The following INTS15 variants were observed in gnomAD, a reference collection of about 807,000 sequenced individuals.
INTS15 encodes the protein uncharacterized protein C7orf26.
chr7:6,607,832 C>T, the INTS15 span: 1 of 1,511,470 alleles, frequency 6.6e-7, no homozygotes, highest in Non-Finnish European at 8.8e-7. This position sits in a 1 kb window ranked among gnomAD's most constrained non-coding sequence, Gnocchi z 6.0. Flanking sequence ...CGCCTGGACC[C>T]CCGGGTGGTC....
At chr7:6,592,029 G>C in the INTS15 span, among the ~76,000 whole-genome samples, 1 of 151,856 alleles carries the variant, frequency 6.6e-6, no homozygotes, top group African/African-American at 2.4e-5. Flanking sequence ...AAATTAGCCG[G>C]GCATGGTGTT....
the INTS15 span, among the ~76,000 whole-genome samples, chr7:6,600,953 T>C: frequency 1.3e-5 from 2 of 152,014 alleles, no homozygotes; most frequent in Admixed American, 1.3e-4. Flanking sequence ...TGTGTCCTTT[T>C]TTATTTTTAT....
At chr7:6,596,965 A>G in the INTS15 span, among the ~76,000 whole-genome samples, 1 of 151,842 alleles carries the variant, frequency 6.6e-6, no homozygotes, top group African/African-American at 2.4e-5. Context: ...TTTTTAGTAG[A>G]GATGGGGTTT....
At chr7:6,600,426 C>G in the INTS15 span, 1 of 1,433,436 alleles carries the variant, frequency 7.0e-7, no homozygotes, top group Non-Finnish European at 9.3e-7. Flanking sequence ...AGGAGGGGCT[C>G]CTGGACAGAC....
At chr7:6,594,631 G>C in the INTS15 span, 1 of 1,605,702 alleles carries the variant, frequency 6.2e-7, no homozygotes, top group Non-Finnish European at 8.5e-7. Flanking sequence ...TTCTATGGAA[G>C]AAGCTTCAGT....
At chr7:6,603,780 A>G in the INTS15 span, among the ~76,000 whole-genome samples, 1 of 152,192 alleles carries the variant, frequency 6.6e-6, no homozygotes, top group Non-Finnish European at 1.5e-5. Flanking sequence ...CAGAAGTTGT[A>G]GTGAGCCAAG....
chr7:6,592,011 A>G, the INTS15 span: 1 of 657,472 alleles, frequency 1.5e-6, no homozygotes, highest in Non-Finnish European at 2.6e-6. Flanking sequence ...GTCTCTACTA[A>G]AAATACAAAA....
the INTS15 span, among the ~76,000 whole-genome samples, chr7:6,599,662 T>C: frequency 6.6e-6 from 1 of 152,098 alleles, no homozygotes; most frequent in East Asian, 1.9e-4. Context: ...GTCCCCCTGG[T>C]GTGGATGTTC....
the INTS15 span, chr7:6,590,107 C>T: frequency 9.5e-6 from 4 of 421,588 alleles, no homozygotes; most frequent in Non-Finnish European, 7.6e-6. Context: ...TGCTGGCCGG[C>T]GGCAGCAGCG....
the INTS15 span, among the ~76,000 whole-genome samples, chr7:6,598,055 G>A: frequency 2.0e-5 from 3 of 152,156 alleles, no homozygotes; most frequent in East Asian, 1.9e-4. Context: ...GTGTGCACAC[G>A]CACACATTTT....
the INTS15 span, among the ~76,000 whole-genome samples, chr7:6,598,205 C>T: frequency 1.2e-4 from 19 of 152,288 alleles, no homozygotes; most frequent in South Asian, 3.5e-3. Flanking sequence ...ACGGGTGGCT[C>T]ACTCCTGTAA....
chr7:6,590,047 G>A, the INTS15 span: 1 of 245,982 alleles, frequency 4.1e-6, no homozygotes, highest in Non-Finnish European at 7.7e-6. Context: ...GCTGCGCGGC[G>A]GCAGCTCCCG....
chr7:6,600,312 C>T, the INTS15 span: 2 of 1,613,944 alleles, frequency 1.2e-6, no homozygotes, highest in East Asian at 2.2e-5. Context: ...CTGGCGCAGG[C>T]TCTGCAGGTG....
the INTS15 span, among the ~76,000 whole-genome samples, chr7:6,603,835 G>A: frequency 1.1e-4 from 17 of 151,306 alleles, no homozygotes; most frequent in South Asian, 3.3e-3. Context: ...GCAAAACTCC[G>A]TTTCAAAAAA....
the INTS15 span, chr7:6,594,384 C>T: frequency 1.9e-6 from 3 of 1,596,208 alleles, no homozygotes; most frequent in Non-Finnish European, 2.6e-6. Context: ...AGTTGCTGGT[C>T]TACTCACTCA....
the INTS15 span, among the ~76,000 whole-genome samples, chr7:6,596,752 G>A: frequency 1.1e-4 from 16 of 151,980 alleles, no homozygotes; most frequent in Middle Eastern, 3.4e-3. Flanking sequence ...ACATGCAAGC[G>A]CGTGCATATT....
At chr7:6,604,090 C>G in the INTS15 span, among the ~76,000 whole-genome samples, 5 of 151,862 alleles carry the variant, frequency 3.3e-5, no homozygotes, top group Admixed American at 6.6e-5. Flanking sequence ...TGCTTTTTTT[C>G]TTTTTGAGAC....
At chr7:6,597,110 G>T in the INTS15 span, among the ~76,000 whole-genome samples, 1 of 152,162 alleles carries the variant, frequency 6.6e-6, no homozygotes, top group African/African-American at 2.4e-5. Context: ...TCTTTTCCTA[G>T]CAGTTTCCTC....
chr7:6,602,681 G>T, the INTS15 span: 1 of 471,212 alleles, frequency 2.1e-6, no homozygotes, highest in Non-Finnish European at 4.4e-6. Context: ...GTGAGGATGA[G>T]ACCCAGTGGT....
Sources: gnomAD v4.1 joint callset for allele counts (sites outside exome capture counted in the v4.1 genomes callset) on GRCh38, gnomAD v4.1.1 for gene constraint, Gnocchi (gnomAD v3.1) non-coding constraint, MANE v1.5 for transcripts, NCBI Gene and HGNC (gene_info 2026-07-23, HGNC 2026-07-21) for gene names.